Variants in GAMT observed in about 807,000 individuals in gnomAD.
The protein encoded by GAMT is guanidinoacetate N-methyltransferase.
In GAMT, 26 loss-of-function variants were observed where a neutral mutation model predicts 26.9. The ratio of observed to expected loss-of-function variants is 0.97; its 90% CI spans 0.71 to 1.34. The LOEUF (loss-of-function observed/expected upper bound fraction) is 1.34, where lower values mean the gene tolerates loss of function less well. Ranked by LOEUF, GAMT falls within the 40% of genes most tolerant of loss-of-function variation. The pLI, the probability that GAMT is intolerant of heterozygous loss-of-function variation, is 0.00. For synonymous variants in GAMT, 169 were observed against 149.6 expected (o/e 1.13, Z -0.95); for missense variants, 412 against 345.0 (o/e 1.19, Z -1.54).
rs2082621954 is a variant in GAMT, at chr19:1,399,678, C to CGA, written c.328-93_328-92dup. On this transcript the variant is annotated intron_variant, in intron 2 of 5. Coordinates refer to ENST00000252288, the MANE Select transcript of GAMT (RefSeq NM_000156.6). The surrounding 1 kb of genome is among the most constrained non-coding windows in gnomAD (Gnocchi z 6.2). ...GAAAGGGAGCGGCCAGGGGGACTCC[C>CGA]GAGAGAGAAGACCACCTCCTCCACC... 26 of 1,526,534 alleles carry CGA rather than the reference C, an allele frequency of 1.7e-5. No individual in the cohort carries two copies. The South Asian group carries it at 2.1e-4, about 13-fold the overall frequency. The allele number at this position is 1,526,534 out of a possible 1,614,324, so 94.6% of individuals were successfully genotyped here.
rs980057971 is a variant in GAMT, at chr19:1,399,999, G to C, written c.182-61C>G. 1 of 1,558,512 alleles carries C rather than the reference G, an allele frequency of 6.4e-7. No homozygotes were observed. The highest frequency in any genetic ancestry group is 8.6e-7 in the Non-Finnish European group (1 of 1,156,702). ...GGGCGGGCTTAGGAGGCTGCCTGGA[G>C]GAGGGGCACAGGGCAGGGCAGGGCT... On this transcript the variant is annotated intron_variant, in intron 1 of 5. Transcript: ENST00000252288. The surrounding 1 kb of genome is among the most constrained non-coding windows in gnomAD (Gnocchi z 6.2).
chr19:1,398,156 G>A (rs904665314), intron 5 of GAMT: 7 of 902,132 alleles, frequency 7.8e-6, no homozygotes, highest in East Asian at 1.2e-4. Context: ...GGAGTACAAC[G>A]GTGCAATCTC....
Position 1,399,569 on chromosome 19 carries a change from G to A in GAMT, c.346C>T (p.Leu116=). ...QTHKVIPLKG[L]WEDVAPTLPD... ...AGGGTGGGTGCCACATCCTCCCACA[G>A]GCCTTTCAAGGGGATGACCTTGCAG... Residue 116 remains leucine (L), a synonymous_variant, in exon 3 of 6, where the codon CTG becomes TTG. Coordinates refer to ENST00000252288, the MANE Select transcript of GAMT (RefSeq NM_000156.6). This position sits in a 1 kb window ranked among gnomAD's most constrained non-coding sequence, Gnocchi z 6.2. 1 of 1,613,130 alleles carries A rather than the reference G, an allele frequency of 6.2e-7. No individual in the cohort carries two copies. The highest frequency in any genetic ancestry group is 8.5e-7 in the Non-Finnish European group (1 of 1,179,816).
intron 5 of GAMT, chr19:1,398,432 C>T (rs1600157843): frequency 5.7e-6 from 2 of 351,158 alleles, no homozygotes; most frequent in East Asian, 4.6e-5. Flanking sequence ...TTCTTTCTTT[C>T]TTTCTTTCTT....
At chr19:1,400,052 A>C in intron 1 of GAMT, 114 bp from the exon 2 acceptor site, 1 of 1,128,886 alleles carries the variant, frequency 8.9e-7, no homozygotes, top group Non-Finnish European at 1.2e-6. Flanking sequence ...GAGGGGGCGC[A>C]GGGCTGGGCT....
chr19:1,397,661 A>T, intron 5 of GAMT, 162 bp from the exon 6 acceptor site: 1 of 1,376,910 alleles, frequency 7.3e-7, no homozygotes, highest in Non-Finnish European at 9.7e-7. Context: ...CCAGGTGTGA[A>T]CGGGAATCTC....
intron 5 of GAMT, chr19:1,397,769 T>C (rs2082609189): frequency 2.2e-6 from 3 of 1,363,730 alleles, no homozygotes; most frequent in Non-Finnish European, 2.8e-6. Context: ...TCTCCAGACC[T>C]TGCCAGTGTG....
chr19:1,397,398 G>T lies in GAMT; in HGVS notation c.672C>A (p.Ala224=). 6.2e-7 allele frequency: 1 copy of T among 1,612,564 alleles called. No homozygotes were observed. Residue 224 remains alanine (A), a synonymous_variant, in exon 6 of 6, where the codon GCC becomes GCA. Transcript: ENST00000252288. ...CCAGGGGCGTGATCATCTGTGGGAA[G>T]GCGTAGTAGCGGCAGTCGGCCGGTG... ...LVPPADCRYY[A]FPQMITPLVT...
intron 1 of GAMT, 137 bp downstream of exon 1, chr19:1,401,159 C>A (rs2082631226): frequency 1.3e-6 from 1 of 759,164 alleles, no homozygotes; most frequent in Non-Finnish European, 1.9e-6. Context: ...TGTGCCCCCA[C>A]CTGCAGCCCC....
In GAMT at chr19:1,399,759, G is replaced by A. The variant is rs200499317; in HGVS notation, c.327+34C>T. On this transcript the variant is annotated intron_variant, in intron 2 of 5. Transcript: ENST00000252288. This position sits in a 1 kb window ranked among gnomAD's most constrained non-coding sequence, Gnocchi z 6.2. ...AAGCAGTGCCCTCACCCCAAGGAGT[G>A]GGGGTCCTGGAGGGCCTGCGGGCAG... 7.8e-6 allele frequency: 12 copies of A among 1,541,144 alleles called. No individual in the cohort carries two copies. In the African/African-American group the frequency reaches 1.6e-4, roughly 21 times the overall value.
chr19:1,399,935 C>A lies in GAMT; in HGVS notation c.185G>T (p.Gly62Val), dbSNP rs765753556. ...GCCAAAGCCCACCTCCAGGACCCGG[C>A]CCCCTGGGCAGACACAGGGCGCCTG... ...ALAAAASSKG[G>V]RVLEVGFGMA... is the part of the protein sequence containing the mutation. Residue 62 changes from glycine (G) to valine (V), a missense_variant, in exon 2 of 6, where the codon GGC (glycine) becomes GTC (valine). Transcript: ENST00000252288. The surrounding 1 kb of genome is among the most constrained non-coding windows in gnomAD (Gnocchi z 6.2). 1.1e-5 allele frequency: 17 copies of A among 1,605,706 alleles called. No individual in the cohort carries two copies. Among genetic ancestry groups the A allele is most frequent in the Admixed American group, 1.7e-5 (1 of 59,186 alleles).
rs368853590 is a variant in GAMT at position 1,397,379 on chromosome 19, G to T, written c.691C>A (p.Pro231Thr). Residue 231 changes from proline (P) to threonine (T), a missense_variant, in exon 6 of 6, where the codon CCC becomes ACC. By Grantham distance (38) the Pro-to-Thr change is conservative. Transcript: ENST00000252288. ...RYYAFPQMIT[P>T]LVTKG ...GGGGCTCAGCCTTTGGTCACCAGGG[G>T]CGTGATCATCTGTGGGAAGGCGTAG... is the stretch of plus-strand genomic sequence containing the variant. The T allele has an allele frequency of 1.9e-6, 3 of 1,612,270 alleles. No individual in the cohort carries two copies. The highest frequency in any genetic ancestry group is 2.7e-5 in the African/African-American group (2 of 75,038).
At chr19:1,398,183 C>T (rs544396939) in intron 5 of GAMT, 93 of 663,966 alleles carry the variant, frequency 1.4e-4, no homozygotes, top group Non-Finnish European at 1.6e-4. Context: ...CAGCAACCTC[C>T]GCCTCCCATG....
Position 1,399,466 on chromosome 19 carries a change from G to T in GAMT, c.391+58C>A. On this transcript the variant is annotated intron_variant, in intron 3 of 5. Coordinates refer to ENST00000252288, the MANE Select transcript of GAMT (RefSeq NM_000156.6). The surrounding 1 kb of genome is among the most constrained non-coding windows in gnomAD (Gnocchi z 6.2). ...ATCAGAGGGACCCCCACAAGCAAAGGAGGGGCTGCATTGGAGCTGGGGAGG... is the reference window on the plus strand; with the variant it reads ...ATCAGAGGGACCCCCACAAGCAAAGTAGGGGCTGCATTGGAGCTGGGGAGG... 1 of 1,485,306 alleles carries T rather than the reference G, an allele frequency of 6.7e-7. No individual in the cohort carries two copies. Among genetic ancestry groups the T allele is most frequent in the Non-Finnish European group, 9.3e-7 (1 of 1,076,688 alleles). 92.0% of individuals were successfully genotyped at this position (1,485,306 alleles called of 1,614,324 possible).
intron 5 of GAMT, chr19:1,398,062 G>A (rs780172374): frequency 4.7e-5 from 47 of 998,624 alleles, no homozygotes; most frequent in Admixed American, 3.3e-4. Flanking sequence ...GCCATGGGAG[G>A]TTGTTGAGCT....
chr19:1,398,093 A>AT (rs1008951249), intron 5 of GAMT: 66 of 993,228 alleles, frequency 6.6e-5, no homozygotes, highest in East Asian at 4.5e-4. Flanking sequence ...TTTGATTTCC[A>AT]TTTTTTTTGT....
At position 1,397,038 on chromosome 19, in the gene GAMT, T is replaced by G; in HGVS notation, c.*321A>C. On this transcript the variant is annotated 3_prime_UTR_variant, in exon 6 of 6. Transcript: ENST00000252288. The stretch of plus-strand genomic sequence containing the variant: ...GAGTCACCCACTTTTCCTGTGTCCA[T>G]GGGATGGGCGGGAGGTGAGGGAGCA... 8.7e-6 allele frequency: 3 copies of G among 344,566 alleles called. No homozygotes were observed. The highest frequency in any genetic ancestry group is 1.7e-5 in the Non-Finnish European group (3 of 180,638). 21.3% of individuals were successfully genotyped at this position (344,566 alleles called of 1,614,324 possible). A position where few individuals can be genotyped will look rare whatever the true frequency, so the allele number is the denominator to read the frequency against.
At chr19:1,397,541 G>T (rs754488264) in intron 5 of GAMT, 42 bp from the exon 6 acceptor site, 5 of 1,597,586 alleles carry the variant, frequency 3.1e-6, no homozygotes, top group Non-Finnish European at 4.2e-6. Context: ...GGGCCATGGG[G>T]GTCACGTGCA....
rs562017832 is a variant in GAMT at position 1,399,428 on chromosome 19, C to T, written c.391+96G>A. The stretch of plus-strand genomic sequence containing the variant: ...AGGCCCACACCCACTTGGGCTCTGT[C>T]CCCCCAGTGCACATCAGAGGGACCC... On this transcript the variant is annotated intron_variant, in intron 3 of 5. Coordinates refer to ENST00000252288, the MANE Select transcript of GAMT (RefSeq NM_000156.6). The surrounding 1 kb of genome is among the most constrained non-coding windows in gnomAD (Gnocchi z 6.2). The T allele has an allele frequency of 1.6e-6, 2 of 1,217,258 alleles. No individual in the cohort carries two copies. The highest frequency in any genetic ancestry group is 1.3e-5 in the South Asian group (1 of 74,722). The allele number at this position is 1,217,258 out of a possible 1,614,324, so 75.4% of individuals were successfully genotyped here.
Sources: gnomAD v4.1 joint callset for allele counts on GRCh38, gnomAD v4.1.1 for gene constraint, Gnocchi (gnomAD v3.1) non-coding constraint, MANE v1.5 for transcripts, NCBI Gene and HGNC (gene_info 2026-07-23, HGNC 2026-07-21) for gene names.